MYLK: variants seen among roughly 807,000 people sequenced by gnomAD.
MYLK encodes myosin light chain kinase, smooth muscle.
A neutral mutation model predicts 203.4 loss-of-function variants in MYLK; 106 were observed. That is an observed-to-expected ratio of 0.52 (90% CI 0.45 to 0.61). The LOEUF is 0.61. Ranked by LOEUF, MYLK falls within the 20% of genes least tolerant of loss-of-function variation. The pLI is 0.00. For missense variants in MYLK, 2,072 were observed against 2,442.3 expected, an observed-to-expected ratio of 0.85 and a Z score of 3.20; for synonymous variants, 867 against 959.5, an observed-to-expected ratio of 0.90 and a Z score of 1.78.
rs1576280086 is a variant in MYLK, at chr3:123,613,516, C to G, written c.*589G>C. The stretch of plus-strand genomic sequence containing the variant: ...TCGAAGAAGCATAATGTCCTTAATG[C>G]TTACACTCATGACAAGTTGAGAGTC... On this transcript the variant is annotated 3_prime_UTR_variant, in exon 34 of 34. Coordinates refer to ENST00000360304, the MANE Select transcript of MYLK (RefSeq NM_053025.4). 6.2e-6 allele frequency: 1 copy of G among 160,492 alleles called. No individual in the cohort carries two copies. Among genetic ancestry groups the G allele is most frequent in the East Asian group, 1.8e-4 (1 of 5,482 alleles). The allele number at this position is 160,492 out of a possible 1,614,324, so 9.9% of individuals were successfully genotyped here.
At chr3:123,746,015 A>G (rs2063003910) in intron 5 of MYLK, among the ~76,000 whole-genome samples, 1 of 151,874 alleles carries the variant, frequency 6.6e-6, no homozygotes, top group African/African-American at 2.4e-5. Context: ...CCACCACCAC[A>G]TATGGCTAAT....
chr3:123,751,287 G>A (rs893488004), intron 5 of MYLK, among the ~76,000 whole-genome samples: 2 of 152,170 alleles, frequency 1.3e-5, no homozygotes, highest in Non-Finnish European at 2.9e-5. Flanking sequence ...CAGTGGAGTG[G>A]CTTCAGCATG....
chr3:123,766,164 A>G (rs1019639891), intron 4 of MYLK, among the ~76,000 whole-genome samples: 1 of 152,250 alleles, frequency 6.6e-6, no homozygotes, highest in African/African-American at 2.4e-5. Flanking sequence ...AATTAGCTAT[A>G]TGTTTATCCC....
chr3:123,733,579 G>A, intron 10 of MYLK, 108 bp downstream of exon 10: 1 of 1,387,062 alleles, frequency 7.2e-7, no homozygotes, highest in South Asian at 1.2e-5. Context: ...GCTAGTCCAA[G>A]AAGATGAGTG....
At chr3:123,696,111 G>A (rs562821807) in intron 18 of MYLK, among the ~76,000 whole-genome samples, 11 of 152,278 alleles carry the variant, frequency 7.2e-5, no homozygotes, top group African/African-American at 2.4e-4. Context: ...TCCTCAGCAC[G>A]AAAGGGGGTG....
chr3:123,778,195 A>G (rs1160251568), intron 4 of MYLK, among the ~76,000 whole-genome samples: 7 of 152,038 alleles, frequency 4.6e-5, no homozygotes, highest in Non-Finnish European at 1.0e-4. Flanking sequence ...AAAAAGTCTT[A>G]CTCTTTTTAC....
intron 3 of MYLK, among the ~76,000 whole-genome samples, chr3:123,802,161 T>C (rs1577021460): frequency 6.6e-6 from 1 of 152,238 alleles, no homozygotes; most frequent in African/African-American, 2.4e-5. Context: ...ATAGTTCTGA[T>C]TTGCATCCTT....
At chr3:123,872,910 C>T (rs187451657) in intron 2 of MYLK, among the ~76,000 whole-genome samples, 83 of 152,226 alleles carry the variant, frequency 5.5e-4, no homozygotes, top group African/African-American at 1.9e-3. Context: ...GCTGAAAATT[C>T]CAACCTTCTA....
intron 4 of MYLK, among the ~76,000 whole-genome samples, chr3:123,767,503 T>C (rs958388441): frequency 6.6e-6 from 1 of 152,152 alleles, no homozygotes; most frequent in African/African-American, 2.4e-5. Context: ...GATACTCAGG[T>C]GGCTGAGGCA....
intron 18 of MYLK, among the ~76,000 whole-genome samples, chr3:123,694,150 T>C (rs564979597): frequency 6.6e-6 from 1 of 152,292 alleles, no homozygotes; most frequent in South Asian, 2.1e-4. Context: ...ATATTCCCCT[T>C]TACTCCTTGC....
In MYLK at chr3:123,700,799, T is replaced by C; in HGVS notation, c.2669A>G (p.Gln890Arg). The C allele has an allele frequency of 2.5e-6, 4 of 1,614,250 alleles. No homozygotes were observed. The highest frequency in any genetic ancestry group is 3.4e-6 in the Non-Finnish European group (4 of 1,180,048). The stretch of plus-strand genomic sequence containing the variant: ...TCGGAAGTCCAGCTGCTCCACCTCC[T>C]GCTGGCGGATCGCCTCCTCAGTGTG... ...RQHTEEAIRQ[Q>R]EVEQLDFRDL... is the part of the protein sequence containing the mutation. Residue 890 changes from glutamine (Q) to arginine (R), a missense_variant, in exon 18 of 34, where the codon CAG becomes CGG. Physicochemically the swap from Gln to Arg is conservative, Grantham distance 43. This residue lies in a region of MYLK where 865 missense variants were observed against 1,016.0 expected (regional missense o/e 0.85). Transcript: ENST00000360304.
At chr3:123,730,205 T>C (rs1045819013) in intron 11 of MYLK, among the ~76,000 whole-genome samples, 1 of 152,064 alleles carries the variant, frequency 6.6e-6, no homozygotes, top group East Asian at 1.9e-4. Context: ...TCTAGCCCCA[T>C]TGGCAAAGCA....
intron 16 of MYLK, among the ~76,000 whole-genome samples, chr3:123,703,129 G>T (rs2061315813): frequency 6.6e-6 from 1 of 152,224 alleles, no homozygotes; most frequent in African/African-American, 2.4e-5. Context: ...ATGCGTTCTT[G>T]TGTATTCTGC....
intron 16 of MYLK, among the ~76,000 whole-genome samples, chr3:123,704,373 C>G (rs2061368083): frequency 6.6e-6 from 1 of 152,218 alleles, no homozygotes; most frequent in African/African-American, 2.4e-5. Context: ...TCTTTGACAT[C>G]TGCACATAAC....
At chr3:123,812,163 C>T (rs934409199) in intron 3 of MYLK, among the ~76,000 whole-genome samples, 2 of 152,198 alleles carry the variant, frequency 1.3e-5, no homozygotes, top group Admixed American at 6.5e-5. Context: ...TCTGTTCCCC[C>T]TCATACCTAT....
intron 4 of MYLK, among the ~76,000 whole-genome samples, chr3:123,787,016 G>C (rs902164001): frequency 3.3e-5 from 5 of 152,182 alleles, no homozygotes; most frequent in African/African-American, 1.2e-4. Flanking sequence ...TTTAAATCAT[G>C]CTTTTCTTTG....
chr3:123,629,573 T>C lies in MYLK; in HGVS notation c.5015A>G (p.Asn1672Ser), dbSNP rs577501563. The change falls in exon 30 of 34, where the codon AAC (asparagine) becomes AGC (serine). Residue 1672 changes from asparagine to serine, a missense_variant. This residue lies in a region of MYLK where 524 missense variants were observed against 782.4 expected (regional missense o/e 0.67). Coordinates refer to ENST00000360304, the MANE Select transcript of MYLK (RefSeq NM_053025.4). This position sits in a 1 kb window ranked among gnomAD's most constrained non-coding sequence, Gnocchi z 4.4. Reference sequence around the variant, plus strand: ...GAAGTCCCAGGTGGCTGAGGTAACGTTGGCCAAGGTTTCGTTATCGTTGTC... The same window carrying C: ...GAAGTCCCAGGTGGCTGAGGTAACGCTGGCCAAGGTTTCGTTATCGTTGTC... Reference protein sequence around the residue: ...MGDNDNETLANVTSATWDFDD... With the variant: ...MGDNDNETLASVTSATWDFDD... The C allele has an allele frequency of 2.6e-5, 42 of 1,614,132 alleles. No homozygotes were observed. The highest frequency in any genetic ancestry group is 2.5e-4 in the African/African-American group (19 of 75,028).
At chr3:123,848,810 T>G (rs540683611) in intron 2 of MYLK, among the ~76,000 whole-genome samples, 2 of 152,346 alleles carry the variant, frequency 1.3e-5, no homozygotes, top group East Asian at 1.9e-4. Context: ...AGGACCCTGA[T>G]GGCATAATGG....
In MYLK at chr3:123,710,212, A is replaced by G. The variant is rs1236533938; in HGVS notation, c.1805-319T>C. 9.9e-5 allele frequency among the ~76,000 whole-genome samples: 15 copies of G among 152,250 alleles called. No individual in the cohort carries two copies. The South Asian group carries it at 2.9e-3, about 29-fold the overall frequency. On this transcript the variant is annotated intron_variant, in intron 13 of 33. Transcript: ENST00000360304. ...TCACATGGCACAAAATTCAAAAGGTACCAAAGAGTATGGCAAGTCTCCCTC... is the reference window on the plus strand; with the variant it reads ...TCACATGGCACAAAATTCAAAAGGTGCCAAAGAGTATGGCAAGTCTCCCTC...
Sources: gnomAD v4.1 joint callset for allele counts (sites outside exome capture counted in the v4.1 genomes callset) on GRCh38, gnomAD v4.1.1 for gene constraint, gnomAD v4.1.1 regional missense constraint, Gnocchi (gnomAD v3.1) non-coding constraint, MANE v1.5 for transcripts, NCBI Gene and HGNC (gene_info 2026-07-23, HGNC 2026-07-21) for gene names.